LRRC56: variants seen among roughly 807,000 people sequenced by gnomAD.
LRRC56 encodes the protein leucine-rich repeat-containing protein 56.
A neutral mutation model predicts 47.8 loss-of-function variants in LRRC56; 41 were observed. The observed-to-expected ratio is 0.86, with a 90% CI of 0.67 to 1.11. The LOEUF is 1.11. Among genes scored for constraint, LRRC56 ranks in the 50% most tolerant of loss-of-function variants. The pLI, the probability that LRRC56 is intolerant of heterozygous loss-of-function variation, is 0.00. For missense variants in LRRC56, 759 were observed against 704.2 expected, an observed-to-expected ratio of 1.08 and a Z score of -0.88; for synonymous variants, 387 against 311.2, an observed-to-expected ratio of 1.24 and a Z score of -2.56.
chr11:512,203 A>G, the LRRC56 span, among the ~76,000 whole-genome samples: 11 of 151,210 alleles, frequency 7.3e-5, no homozygotes, highest in African/African-American at 2.4e-4. Flanking sequence ...TGGCCTCCCA[A>G]AGTGCTGGGA....
At chr11:546,647 C>T (rs1247171746) in intron 6 of LRRC56, among the ~76,000 whole-genome samples, 1 of 152,070 alleles carries the variant, frequency 6.6e-6, no homozygotes, top group Admixed American at 6.6e-5. Context: ...AGTGGGCAGC[C>T]CACAGAACTG....
intron 13 of LRRC56, among the ~76,000 whole-genome samples, 181 bp from the exon 14 acceptor site, chr11:553,782 C>G (rs541503384): frequency 1.3e-5 from 2 of 152,114 alleles, no homozygotes; most frequent in Admixed American, 1.3e-4. Context: ...CCCGCCCATG[C>G]GAGTCAGGGG....
the LRRC56 span, among the ~76,000 whole-genome samples, chr11:508,189 A>T: frequency 1.3e-5 from 2 of 152,220 alleles, no homozygotes; most frequent in African/African-American, 4.8e-5. Flanking sequence ...TTTTCGAGAC[A>T]GGGTCTCACT....
chr11:542,580 C>CAA (rs71022928), intron 5 of LRRC56, among the ~76,000 whole-genome samples: 2,667 of 25,080 alleles, frequency 0.11, 145 homozygotes, highest in Non-Finnish European at 0.13. Flanking sequence ...AACCCTGTCG[C>CAA]AAAAAAAAAA....
Position 540,771 on chromosome 11 carries a change from C to A in LRRC56, c.87C>A (p.His29Gln). The A allele has an allele frequency of 6.2e-7, 1 of 1,610,450 alleles. No homozygotes were observed. The highest frequency in any genetic ancestry group is 1.1e-5 in the South Asian group (1 of 90,316). ...GGGAGCTGAGCTGGCAAGGCCTGCA[C>A]AACCCCTGCCCACAGAGCAAGGGCC... ...RVRELSWQGL[H>Q]NPCPQSKGPG... Residue 29 changes from histidine (H) to glutamine (Q), a missense_variant, in exon 4 of 14, where the codon CAC becomes CAA. Coordinates refer to ENST00000270115, the MANE Select transcript of LRRC56 (RefSeq NM_198075.4).
At chr11:517,679 G>A in the LRRC56 span, among the ~76,000 whole-genome samples, 3 of 152,200 alleles carry the variant, frequency 2.0e-5, no homozygotes, top group Non-Finnish European at 4.4e-5. Context: ...AAGAGACAGC[G>A]ACCATCGAGA....
At chr11:514,904 C>A in the LRRC56 span, among the ~76,000 whole-genome samples, 1 of 152,306 alleles carries the variant, frequency 6.6e-6, no homozygotes, top group African/African-American at 2.4e-5. Context: ...AGATGGTTTT[C>A]TCCCCGGCTG....
the LRRC56 span, among the ~76,000 whole-genome samples, chr11:518,802 C>A: frequency 2.6e-5 from 4 of 152,042 alleles, no homozygotes; most frequent in East Asian, 7.7e-4. Flanking sequence ...GGCGCCCCCT[C>A]CTGGATGTGG....
the LRRC56 span, among the ~76,000 whole-genome samples, chr11:507,879 G>A: frequency 6.6e-6 from 1 of 152,212 alleles, no homozygotes; most frequent in Non-Finnish European, 1.5e-5. Context: ...CCGCGGCCTC[G>A]TCCCGAGTGT....
chr11:540,397 G>T (rs1446733894), intron 3 of LRRC56, among the ~76,000 whole-genome samples: 1 of 152,222 alleles, frequency 6.6e-6, no homozygotes, highest in Non-Finnish European at 1.5e-5. Context: ...GGACCCTGAG[G>T]ATGGGCAGAA....
chr11:554,906 C>A lies in LRRC56; in HGVS notation c.*630C>A. 1 of 1,055,580 alleles carries A rather than the reference C, an allele frequency of 9.5e-7. No individual in the cohort carries two copies. The highest frequency in any genetic ancestry group is 1.3e-6 in the Non-Finnish European group (1 of 767,494). 65.4% of individuals were successfully genotyped at this position (1,055,580 alleles called of 1,614,324 possible). On this transcript the variant is annotated 3_prime_UTR_variant, in exon 14 of 14. Transcript: ENST00000270115. ...GGCCACGTTGGTTCAATAAATGATG[C>A]AGCGGACACAGCCCGCCCAGCCCCG...
intron 2 of LRRC56, among the ~76,000 whole-genome samples, chr11:539,213 T>C (rs1230396286): frequency 6.6e-6 from 1 of 152,096 alleles, no homozygotes; most frequent in Non-Finnish European, 1.5e-5. Context: ...CCCAAGTAGC[T>C]GGGACTACAG....
At chr11:527,323 G>A in the LRRC56 span, among the ~76,000 whole-genome samples, 4 of 152,038 alleles carry the variant, frequency 2.6e-5, no homozygotes, top group South Asian at 2.1e-4. Context: ...GCAACGTGCC[G>A]TGTGGCACTG....
At chr11:530,458 C>G in the LRRC56 span, among the ~76,000 whole-genome samples, 2 of 137,790 alleles carry the variant, frequency 1.5e-5, no homozygotes, top group African/African-American at 5.6e-5. Context: ...AGTGTGGCGT[C>G]CCCTGGAGAG....
the LRRC56 span, among the ~76,000 whole-genome samples, chr11:507,702 G>T: frequency 6.6e-5 from 10 of 152,246 alleles, no homozygotes; most frequent in Non-Finnish European, 1.5e-4. Flanking sequence ...CCCCTGGGGC[G>T]GCTCCGCATG....
At chr11:527,117 C>T in the LRRC56 span, among the ~76,000 whole-genome samples, 6 of 151,828 alleles carry the variant, frequency 4.0e-5, no homozygotes, top group South Asian at 2.1e-4. Flanking sequence ...CTGGCTAACA[C>T]GGTGAAACCC....
the LRRC56 span, among the ~76,000 whole-genome samples, chr11:509,123 G>C: frequency 6.6e-6 from 1 of 152,146 alleles, no homozygotes; most frequent in Non-Finnish European, 1.5e-5. Flanking sequence ...AAAGCTCAGG[G>C]CTGGAAGGCA....
intron 13 of LRRC56, 63 bp from the exon 14 acceptor site, chr11:553,900 C>G (rs1852592842): frequency 6.6e-7 from 1 of 1,508,808 alleles, no homozygotes; most frequent in South Asian, 1.2e-5. Context: ...TGTGGCCTCC[C>G]CACCGGGTGA....
upstream of LRRC56, chr11:533,164 T>A: frequency 1.0e-6 from 1 of 983,372 alleles, no homozygotes; most frequent in Non-Finnish European, 1.5e-6. Flanking sequence ...TCAGGGCAGC[T>A]CTCCCCAAGG....
Sources: allele counts gnomAD v4.1 joint callset (sites outside exome capture counted in the v4.1 genomes callset), GRCh38; gene constraint gnomAD v4.1.1; transcripts MANE v1.5; gene names NCBI Gene and HGNC (gene_info 2026-07-23, HGNC 2026-07-21).